DCP1B: variants seen among roughly 807,000 people sequenced by gnomAD.
The protein encoded by DCP1B is mRNA-decapping enzyme 1B.
A neutral mutation model predicts 60.5 loss-of-function variants in DCP1B; 47 were observed. The ratio of observed to expected loss-of-function variants is 0.78; its 90% CI spans 0.61 to 0.99. The LOEUF is 0.99. Among genes scored for constraint, DCP1B ranks in the 50% least tolerant of loss-of-function variants. The pLI, the probability that DCP1B is intolerant of heterozygous loss-of-function variation, is 0.00. For synonymous variants in DCP1B, 267 were observed against 280.3 expected (o/e 0.95, Z 0.47); for missense variants, 725 against 756.8 (o/e 0.96, Z 0.49).
intron 6 of DCP1B, among the ~76,000 whole-genome samples, chr12:1,954,119 T>A (rs888525272): frequency 2.0e-5 from 3 of 151,918 alleles, no homozygotes; most frequent in Non-Finnish European, 4.4e-5. Context: ...GAGACACAAG[T>A]TGCAGTGAGC....
chr12:1,951,316 C>T (rs1440609514), intron 7 of DCP1B, among the ~76,000 whole-genome samples: 1 of 152,046 alleles, frequency 6.6e-6, no homozygotes, highest in Non-Finnish European at 1.5e-5. Context: ...TGACAAAGGG[C>T]CAGTGATGAT....
In DCP1B at chr12:2,000,585, CTA is replaced by C. The variant is rs533296406; in HGVS notation, c.151-2612_151-2611del. ...AACTTATAACAAGTAATTCTTAAAA[CTA>C]AGATTTTTATTTAGCATTACACACA... is the stretch of plus-strand genomic sequence containing the variant. On this transcript the variant is annotated intron_variant, in intron 1 of 8. Coordinates refer to ENST00000280665, the MANE Select transcript of DCP1B (RefSeq NM_152640.5). Among the ~76,000 whole-genome samples, 158 of 152,086 alleles carry C rather than the reference CTA, an allele frequency of 1.0e-3. No homozygotes were observed. In the Middle Eastern group the frequency reaches 0.017, roughly 16 times the overall value.
At chr12:1,982,377 C>T (rs1271113094) in intron 3 of DCP1B, among the ~76,000 whole-genome samples, 1 of 152,142 alleles carries the variant, frequency 6.6e-6, no homozygotes, top group Non-Finnish European at 1.5e-5. Flanking sequence ...TAACTCCCCA[C>T]TCTCCATTCC....
chr12:1,979,391 T>G (rs553212508), intron 3 of DCP1B, among the ~76,000 whole-genome samples: 1 of 152,202 alleles, frequency 6.6e-6, no homozygotes, highest in Non-Finnish European at 1.5e-5. Context: ...CTTGGCTCAC[T>G]ACAACCTCCA....
At chr12:1,950,686 G>A (rs1218312953) in intron 7 of DCP1B, among the ~76,000 whole-genome samples, 2 of 152,144 alleles carry the variant, frequency 1.3e-5, no homozygotes, top group Non-Finnish European at 1.5e-5. Flanking sequence ...TCACTCTACT[G>A]CCCAGGCTGG....
Position 1,967,924 on chromosome 12 carries a change from A to T in DCP1B, c.320-14T>A. 6.2e-7 allele frequency: 1 copy of T among 1,605,218 alleles called. No homozygotes were observed. The highest frequency in any genetic ancestry group is 8.5e-7 in the Non-Finnish European group (1 of 1,177,350). ...CATAGATGGACACTGCAAAAAACAC[A>T]CATCAAACAAATTATGAGCATCTTC... On this transcript the variant is annotated splice_polypyrimidine_tract_variant and intron_variant, in intron 3 of 8. Coordinates refer to ENST00000280665, the MANE Select transcript of DCP1B (RefSeq NM_152640.5).
intron 3 of DCP1B, among the ~76,000 whole-genome samples, chr12:1,980,739 C>A (rs528833653): frequency 6.6e-6 from 1 of 150,638 alleles, no homozygotes; most frequent in African/African-American, 2.4e-5. Flanking sequence ...AAAAAAAGTT[C>A]TTATTTCATT....
rs371639909 is a variant in DCP1B at position 1,970,077 on chromosome 12, G to A, written c.320-2167C>T. 7.2e-5 allele frequency among the ~76,000 whole-genome samples: 11 copies of A among 152,060 alleles called. No individual in the cohort carries two copies. In the East Asian group the frequency reaches 1.7e-3, roughly 24 times the overall value. ...CTTTCGTTTGATGTTATACATTTGC[G>A]GCATTTGACATAAGGAATTAGGCTT... is the stretch of plus-strand genomic sequence containing the variant. On this transcript the variant is annotated intron_variant, in intron 3 of 8. Transcript: ENST00000280665.
intron 5 of DCP1B, among the ~76,000 whole-genome samples, chr12:1,959,755 C>G (rs958384769): frequency 1.3e-5 from 2 of 152,062 alleles, no homozygotes; most frequent in South Asian, 4.1e-4. Context: ...GTCAGCAGAT[C>G]GAGACCATCC....
intron 5 of DCP1B, among the ~76,000 whole-genome samples, chr12:1,957,707 T>C (rs2030936311): frequency 6.6e-6 from 1 of 152,210 alleles, no homozygotes; most frequent in African/African-American, 2.4e-5. Context: ...AGGGCGGAGA[T>C]AAAAAGAGAT....
chr12:1,965,421 A>G, intron 5 of DCP1B, 137 bp downstream of exon 5: 2 of 1,140,986 alleles, frequency 1.8e-6, no homozygotes, highest in Non-Finnish European at 2.3e-6. Context: ...CTATATTACA[A>G]ATAAAGATTT....
intron 1 of DCP1B, among the ~76,000 whole-genome samples, chr12:1,999,759 A>G (rs543930884): frequency 1.3e-3 from 203 of 152,268 alleles, no homozygotes; most frequent in Non-Finnish European, 2.3e-3. Context: ...AATTAAAACA[A>G]CTTTAGCCAG....
At chr12:1,950,297 AGGT>A (rs2030616285) in intron 7 of DCP1B, 2 of 702,140 alleles carry the variant, frequency 2.8e-6, no homozygotes, top group Non-Finnish European at 5.2e-6. Context: ...ATGCTCCCGG[AGGT>A]GGAGTCAAGC....
intron 3 of DCP1B, among the ~76,000 whole-genome samples, chr12:1,989,861 T>C (rs2038910779): frequency 6.6e-6 from 1 of 152,254 alleles, no homozygotes; most frequent in Admixed American, 6.5e-5. Context: ...TATGGGAATA[T>C]TACAAAAGAA....
chr12:1,949,305 T>A lies in DCP1B; in HGVS notation c.1554A>T (p.Thr518=). 2 of 1,614,106 alleles carry A rather than the reference T, an allele frequency of 1.2e-6. No individual in the cohort carries two copies. The highest frequency in any genetic ancestry group is 1.7e-6 in the Non-Finnish European group (2 of 1,180,036). The change falls in exon 8 of 9, where the codon ACA becomes ACT. Residue 518 remains threonine (T), a synonymous_variant. Transcript: ENST00000280665. ...QVISPQRIPA[T]AAPSLLMSPM... is the part of the protein sequence containing the mutation. Reference sequence around the variant, plus strand: ...GGGACATAAGCAGAGACGGAGCTGCTGTAGCAGGGATGCGCTGAGGTGAGA... The same window carrying A: ...GGGACATAAGCAGAGACGGAGCTGCAGTAGCAGGGATGCGCTGAGGTGAGA...
intron 3 of DCP1B, among the ~76,000 whole-genome samples, chr12:1,983,871 G>A (rs960472407): frequency 6.6e-6 from 1 of 151,140 alleles, no homozygotes; most frequent in African/African-American, 2.4e-5. Flanking sequence ...TTCTCCTTTC[G>A]GTTCTATCAC....
chr12:1,997,923 A>C lies in DCP1B; in HGVS notation c.191+12T>G. On this transcript the variant is annotated intron_variant, in intron 2 of 8. Transcript: ENST00000280665. ...GAAGATTAGTTTCTTTATAAAAGTG[A>C]AACACTCTTACCTTGTATAAACAAA... 6.3e-7 allele frequency: 1 copy of C among 1,596,242 alleles called. No individual in the cohort carries two copies. The highest frequency in any genetic ancestry group is 8.5e-7 in the Non-Finnish European group (1 of 1,171,654).
rs775569204 is a variant in DCP1B at position 1,953,252 on chromosome 12, C to T, written c.688G>A (p.Ala230Thr). ...GCTTTGTCCTGCTTCCCAAACAGAG[C>T]TGTCAAGGATAAGTGTTGGGGTTCA... Reference protein sequence around the residue: ...DPEPQHLSLTALFGKQDKATC... With the variant: ...DPEPQHLSLTTLFGKQDKATC... Residue 230 changes from alanine to threonine, a missense_variant, in exon 7 of 9, where the codon GCT (alanine) becomes ACT (threonine). Transcript: ENST00000280665. The T allele has an allele frequency of 2.3e-5, 37 of 1,602,674 alleles. No individual in the cohort carries two copies. Among genetic ancestry groups the T allele is most frequent in the Non-Finnish European group, 3.1e-5 (36 of 1,179,692 alleles).
intron 3 of DCP1B, among the ~76,000 whole-genome samples, chr12:1,968,225 G>A (rs562877938): frequency 3.3e-5 from 5 of 151,882 alleles, no homozygotes; most frequent in Admixed American, 1.3e-4. Context: ...GGTGGCGGGC[G>A]TCCATAATCC....
Sources: allele counts gnomAD v4.1 joint callset (sites outside exome capture counted in the v4.1 genomes callset), GRCh38; gene constraint gnomAD v4.1.1; transcripts MANE v1.5; gene names NCBI Gene and HGNC (gene_info 2026-07-23, HGNC 2026-07-21).